Variants in ARHGAP21 observed in about 807,000 individuals in gnomAD.
ARHGAP21 encodes the protein Rho GTPase activating protein 21, also known as rho GTPase-activating protein 21.
In ARHGAP21, 38 loss-of-function variants were observed where a neutral mutation model predicts 164.6. The ratio of observed to expected loss-of-function variants is 0.23; its 90% confidence interval spans 0.18 to 0.30. ARHGAP21 has a LOEUF of 0.30. Ranked by LOEUF, ARHGAP21 falls within the 10% of genes least tolerant of loss-of-function variation. The probability of loss-of-function intolerance (pLI) is 1.00; values close to 1 mark genes in which losing one functional copy is unlikely to be tolerated. For synonymous variants in ARHGAP21, 766 were observed against 857.9 expected, an observed-to-expected ratio of 0.89 and a Z score of 1.87; for missense variants, 1,822 against 2,370.7, an observed-to-expected ratio of 0.77 and a Z score of 4.81.
chr10:24,721,733 G>A, intron 2 of ARHGAP21, 104 bp downstream of exon 2: 8 of 1,342,708 alleles, frequency 6.0e-6, no homozygotes, highest in South Asian at 2.5e-5. Context: ...TCAAAGCCCC[G>A]GGAAGCCCCT....
chr10:24,679,570 T>C (rs906346486), intron 2 of ARHGAP21, among the ~76,000 whole-genome samples: 2 of 152,218 alleles, frequency 1.3e-5, no homozygotes, highest in Non-Finnish European at 2.9e-5. Context: ...CCATTTTACA[T>C]GCCCACCAGC....
chr10:24,647,274 T>C (rs1210089049), intron 4 of ARHGAP21, among the ~76,000 whole-genome samples: 3 of 152,012 alleles, frequency 2.0e-5, no homozygotes, highest in Non-Finnish European at 4.4e-5. Flanking sequence ...AAGTAAAATA[T>C]TTTTTTTAAC....
At chr10:24,667,042 GTACA>G in intron 3 of ARHGAP21, 33 bp from the exon 4 acceptor site, 1 of 1,146,208 alleles carries the variant, frequency 8.7e-7, no homozygotes, top group Non-Finnish European at 1.2e-6. Flanking sequence ...ACATATATGA[GTACA>G]TATTTATAAA....
chr10:24,608,220 A>T (rs2077113442), intron 9 of ARHGAP21, among the ~76,000 whole-genome samples: 1 of 152,214 alleles, frequency 6.6e-6, no homozygotes. Flanking sequence ...CCAGAGCAAT[A>T]ATCATGTAAC....
chr10:24,664,104 A>G (rs1477209152), intron 4 of ARHGAP21, among the ~76,000 whole-genome samples: 1 of 152,186 alleles, frequency 6.6e-6, no homozygotes, highest in Non-Finnish European at 1.5e-5. Context: ...AATATCATCT[A>G]CTATATCGCT....
chr10:24,629,898 A>AT (rs141682509), intron 7 of ARHGAP21, 98 bp downstream of exon 7: 22 of 899,134 alleles, frequency 2.4e-5, no homozygotes, highest in South Asian at 5.7e-5. Flanking sequence ...AAATTCTAGA[A>AT]TTTTTTTTAA....
At chr10:24,662,897 A>G (rs975690041) in intron 4 of ARHGAP21, among the ~76,000 whole-genome samples, 1 of 152,118 alleles carries the variant, frequency 6.6e-6, no homozygotes, top group Non-Finnish European at 1.5e-5. Flanking sequence ...CCCTGATGGT[A>G]AACTTTTACT....
At chr10:24,605,341 G>A (rs1482199850) in intron 11 of ARHGAP21, among the ~76,000 whole-genome samples, 2 of 152,208 alleles carry the variant, frequency 1.3e-5, no homozygotes, top group African/African-American at 4.8e-5. Flanking sequence ...TTACCATGGA[G>A]TATCAGAGGA....
At chr10:24,590,855 ATAC>A (rs142336524) in intron 24 of ARHGAP21, 187,583 of 984,326 alleles carry the variant, frequency 0.19, 18,795 homozygotes, top group Middle Eastern at 0.27. Flanking sequence ...AGCCCAGATC[ATAC>A]TTTCTGCCAT....
chr10:24,611,731 A>G (rs1200913163), intron 9 of ARHGAP21, among the ~76,000 whole-genome samples: 2 of 152,114 alleles, frequency 1.3e-5, no homozygotes, highest in Admixed American at 1.3e-4. Flanking sequence ...AAGGAAAAAA[A>G]AAAGGAAAAA....
At chr10:24,689,862 A>G (rs900879830) in intron 2 of ARHGAP21, among the ~76,000 whole-genome samples, 2 of 148,292 alleles carry the variant, frequency 1.3e-5, no homozygotes, top group African/African-American at 2.5e-5. Context: ...ATGTATATGT[A>G]TGTGTATATA....
chr10:24,597,823 A>G, intron 15 of ARHGAP21, 122 bp downstream of exon 15: 9 of 1,163,086 alleles, frequency 7.7e-6, no homozygotes, highest in Non-Finnish European at 1.1e-5. Flanking sequence ...CGTAGAGAGG[A>G]TTTGGTACTA....
chr10:24,659,937 A>G (rs967986657), intron 4 of ARHGAP21, among the ~76,000 whole-genome samples: 2 of 152,222 alleles, frequency 1.3e-5, no homozygotes, highest in South Asian at 2.1e-4. Context: ...GGCGGTGATA[A>G]TAACACCCAC....
intron 4 of ARHGAP21, among the ~76,000 whole-genome samples, chr10:24,656,357 C>CA (rs1838922773): frequency 1.1e-5 from 1 of 91,856 alleles, no homozygotes; most frequent in Non-Finnish European, 2.3e-5. Context: ...TCAGCCCCCC[C>CA]ACCCGGCCAG....
chr10:24,651,189 C>T (rs1166313194), intron 4 of ARHGAP21, among the ~76,000 whole-genome samples: 1 of 152,172 alleles, frequency 6.6e-6, no homozygotes, highest in East Asian at 1.9e-4. Flanking sequence ...CCTTTGGATC[C>T]ATCACCATGT....
chr10:24,596,905 AAACAAC>A, intron 16 of ARHGAP21, 23 bp from the exon 17 acceptor site: 1 of 1,585,556 alleles, frequency 6.3e-7, no homozygotes, highest in Non-Finnish European at 8.5e-7. Context: ...AGTCAAAATA[AAACAAC>A]ATAATAAAAT....
At position 24,620,959 on chromosome 10, in the gene ARHGAP21, T is replaced by C; in HGVS notation, c.936A>G (p.Lys312=). 6.2e-7 allele frequency: 1 copy of C among 1,613,982 alleles called. No homozygotes were observed. Reference sequence around the variant, plus strand: ...GTGGTGATGTGGTTCTTGACACTGTTTTTAAAGAGGTCTGCTCACTCACGC... The same window carrying C: ...GTGGTGATGTGGTTCTTGACACTGTCTTTAAAGAGGTCTGCTCACTCACGC... ...RYGVSEQTSL[K]TVSRTTSPPL... The change falls in exon 9 of 26, where the codon AAA becomes AAG. Residue 312 remains lysine (K), a synonymous_variant. Coordinates refer to ENST00000396432, the MANE Select transcript of ARHGAP21 (RefSeq NM_020824.4).
chr10:24,597,510 C>G lies in ARHGAP21; in HGVS notation c.3271G>C (p.Glu1091Gln). The G allele has an allele frequency of 6.2e-7, 1 of 1,614,068 alleles. No homozygotes were observed. Among genetic ancestry groups the G allele is most frequent in the Non-Finnish European group, 8.5e-7 (1 of 1,179,974 alleles). Residue 1091 changes from glutamate to glutamine, a missense_variant, in exon 16 of 26, where the codon GAG becomes CAG. Glu to Gln is a conservative substitution (Grantham distance 29). Around this residue, in one of 5 missense-constraint regions of ARHGAP21, gnomAD observed 1,090 missense variants for 1,378.9 expected, o/e 0.79. Transcript: ENST00000396432. Reference protein sequence around the residue: ...IRQTLLGAKSEPKTQSPHSPK... With the variant: ...IRQTLLGAKSQPKTQSPHSPK... ...GAGTGTGGGCTTTGAGTCTTTGGCT[C>G]TGATTTAGCACCAAGCAAAGTTTGC...
At chr10:24,688,030 G>C (rs180765884) in intron 2 of ARHGAP21, among the ~76,000 whole-genome samples, 2 of 152,282 alleles carry the variant, frequency 1.3e-5, no homozygotes, top group East Asian at 3.9e-4. Context: ...ATTTTCATTG[G>C]CAACACTTGA....
Sources: allele counts gnomAD v4.1 joint callset (sites outside exome capture counted in the v4.1 genomes callset), GRCh38; gene constraint gnomAD v4.1.1; regional missense constraint gnomAD v4.1.1; transcripts MANE v1.5; gene names NCBI Gene and HGNC (gene_info 2026-07-23, HGNC 2026-07-21).